FBXO41: variants seen among roughly 807,000 people sequenced by gnomAD.
FBXO41 encodes F-box only protein 41.
Under a neutral mutation model 81.6 loss-of-function variants are expected in FBXO41, and 33 were observed. The observed-to-expected ratio is 0.40, with a 90% CI of 0.31 to 0.54. The LOEUF (loss-of-function observed/expected upper bound fraction) is 0.54, where lower values mean the gene tolerates loss of function less well. Among genes scored for constraint, FBXO41 ranks in the 20% least tolerant of loss-of-function variants. The pLI is 0.39. For synonymous variants in FBXO41, 576 were observed against 552.7 expected (o/e 1.04, Z -0.59); for missense variants, 1,107 against 1,236.0 (o/e 0.90, Z 1.56).
rs916158386 is a variant in FBXO41, at chr2:73,257,892, T to G, written c.*1090A>C. On this transcript the variant is annotated 3_prime_UTR_variant, in exon 13 of 13. Coordinates refer to ENST00000520530, the MANE Select transcript of FBXO41 (RefSeq NM_001371389.2). This position sits in a 1 kb window ranked among gnomAD's most constrained non-coding sequence, Gnocchi z 4.6. ...GTGAGTCTATTGAGGATGCTCTTCC[T>G]CTTCCTTGGCCCCATGGGTCTGGCT... The G allele has an allele frequency of 2.6e-5, 4 of 152,226 alleles. No individual in the cohort carries two copies. Among genetic ancestry groups the G allele is most frequent in the African/African-American group, 9.7e-5 (4 of 41,438 alleles). 9.4% of individuals were successfully genotyped at this position (152,226 alleles called of 1,614,324 possible). A position where few individuals can be genotyped will look rare whatever the true frequency, so the allele number is the denominator to read the frequency against.
In FBXO41 at chr2:73,263,694, G is replaced by A; in HGVS notation, c.2059C>T (p.Gln687Ter). The change falls in exon 8 of 13, where the codon CAG becomes TAG. Residue 687 changes from glutamine to a stop codon, truncating the protein, a stop_gained. Coordinates refer to ENST00000520530, the MANE Select transcript of FBXO41 (RefSeq NM_001371389.2). LOFTEE classifies it high-confidence loss of function. ...WLASCYCRALQAVTYRSATDP... is the reference protein window; with the variant it reads ...WLASCYCRAL ...TTGACCCACCTGTACGTGACAGCCT[G>A]CAGGGCACGGCAGTAGCAGCTGGCC... 1 of 1,613,648 alleles carries A rather than the reference G, an allele frequency of 6.2e-7. No individual in the cohort carries two copies. Among genetic ancestry groups the A allele is most frequent in the Non-Finnish European group, 8.5e-7 (1 of 1,179,884 alleles).
chr2:73,271,328 G>T, intron 1 of FBXO41: 1 of 229,864 alleles, frequency 4.4e-6, no homozygotes, highest in Non-Finnish European at 8.7e-6. Flanking sequence ...TGGTCTTGGG[G>T]ATATGACATA....
In FBXO41 at chr2:73,266,589, A is replaced by T; in HGVS notation, c.999T>A (p.Leu333=). 3.1e-6 allele frequency: 5 copies of T among 1,611,476 alleles called. No individual in the cohort carries two copies. Among genetic ancestry groups the T allele is most frequent in the Non-Finnish European group, 4.2e-6 (5 of 1,179,166 alleles). The change falls in exon 3 of 13, where the codon CTT becomes CTA. Residue 333 remains leucine (L), a synonymous_variant. Coordinates refer to ENST00000520530, the MANE Select transcript of FBXO41 (RefSeq NM_001371389.2). This position sits in a 1 kb window ranked among gnomAD's most constrained non-coding sequence, Gnocchi z 5.3. ...GCCGCTCGGCACGGTCAGCCCGCTC[A>T]AGGAGCTCCTCAATGAACTGCTGCA... ...LRLQQFIEEL[L]ERADRAERQL...
intron 1 of FBXO41, chr2:73,271,623 TC>T (rs33963024): frequency 0.039 from 4,204 of 107,142 alleles, 347 homozygotes; most frequent in Admixed American, 0.055. Flanking sequence ...AATTCTGCAC[TC>T]CCCCCCCCCC....
Position 73,255,645 on chromosome 2 carries a change from C to T in FBXO41, c.*3337G>A, listed in dbSNP as rs1217337175. On this transcript the variant is annotated 3_prime_UTR_variant, in exon 13 of 13. Transcript: ENST00000520530. ...TGGGACTTTGGCACCAATAGTCACT[C>T]TGGGAAGGCCTCCTTCAACTTAGCG... 6.6e-6 allele frequency: 1 copy of T among 152,630 alleles called. No homozygotes were observed. The highest frequency in any genetic ancestry group is 2.4e-5 in the African/African-American group (1 of 41,436). 9.5% of individuals were successfully genotyped at this position (152,630 alleles called of 1,614,324 possible).
rs1472739316 is a variant in FBXO41, at chr2:73,269,275, G to A, written c.356C>T (p.Pro119Leu). ...HHHHAPLAHF[P>L]GDLVPASLPC... Reference sequence around the variant, plus strand: ...CAGGCTAGCGGGCACCAGGTCGCCGGGGAAGTGGGCGAGGGGAGCGTGGTG... The same window carrying A: ...CAGGCTAGCGGGCACCAGGTCGCCGAGGAAGTGGGCGAGGGGAGCGTGGTG... The change falls in exon 2 of 13, where the codon CCC (proline) becomes CTC (leucine). Residue 119 changes from proline (P) to leucine (L), a missense_variant. Coordinates refer to ENST00000520530, the MANE Select transcript of FBXO41 (RefSeq NM_001371389.2). The surrounding 1 kb of genome is among the most constrained non-coding windows in gnomAD (Gnocchi z 7.0). 7 of 1,531,336 alleles carry A rather than the reference G, an allele frequency of 4.6e-6. No individual in the cohort carries two copies. Among genetic ancestry groups the A allele is most frequent in the South Asian group, 1.2e-5 (1 of 82,810 alleles). The allele number at this position is 1,531,336 out of a possible 1,614,324, so 94.9% of individuals were successfully genotyped here.
intron 1 of FBXO41, among the ~76,000 whole-genome samples, chr2:73,279,547 G>C (rs967472159): frequency 2.9e-4 from 44 of 152,136 alleles, no homozygotes; most frequent in African/African-American, 1.1e-3. Flanking sequence ...GAATGTTAGG[G>C]AAGAGAGGAT....
intron 1 of FBXO41, among the ~76,000 whole-genome samples, chr2:73,282,545 G>GA (rs1688877225): frequency 6.6e-6 from 1 of 151,918 alleles, no homozygotes; most frequent in Non-Finnish European, 1.5e-5. Context: ...TCTACCAAAA[G>GA]AAAAAAAATT....
At position 73,266,716 on chromosome 2, in the gene FBXO41, C is replaced by T. The variant is rs1688294148; in HGVS notation, c.906-34G>A. ...AGAGCAGTCTCTTACCCCAGAGCCTCAGCCTGCCTGCCCACCCACCCTCTG... is the reference window on the plus strand; with the variant it reads ...AGAGCAGTCTCTTACCCCAGAGCCTTAGCCTGCCTGCCCACCCACCCTCTG... On this transcript the variant is annotated intron_variant, in intron 2 of 12. Transcript: ENST00000520530. The surrounding 1 kb of genome is among the most constrained non-coding windows in gnomAD (Gnocchi z 5.3). 1 of 1,505,170 alleles carries T rather than the reference C, an allele frequency of 6.6e-7. No homozygotes were observed. The highest frequency in any genetic ancestry group is 8.9e-7 in the Non-Finnish European group (1 of 1,127,314). 93.2% of individuals were successfully genotyped at this position (1,505,170 alleles called of 1,614,324 possible).
In FBXO41 at chr2:73,259,855, G is replaced by A. The variant is rs928602171; in HGVS notation, c.2449+534C>T. Among the ~76,000 whole-genome samples the A allele has an allele frequency of 6.6e-6, 1 of 152,148 alleles. No homozygotes were observed. The highest frequency in any genetic ancestry group is 2.4e-5 in the African/African-American group (1 of 41,428). ...AAGGGGGAGGAAGGTCTTGGAAAGAGGGTCAAGGCACCTTGGCGCAGTTGG... is the reference window on the plus strand; with the variant it reads ...AAGGGGGAGGAAGGTCTTGGAAAGAAGGTCAAGGCACCTTGGCGCAGTTGG... On this transcript the variant is annotated intron_variant, in intron 11 of 12. Transcript: ENST00000520530. The surrounding 1 kb of genome is among the most constrained non-coding windows in gnomAD (Gnocchi z 4.2).
chr2:73,263,295 G>T lies in FBXO41; in HGVS notation c.2089C>A (p.Pro697Thr). The change falls in exon 9 of 13, where the codon CCC (proline) becomes ACC (threonine). Residue 697 changes from proline (P) to threonine (T), a missense_variant. This residue lies in a region of FBXO41 where 336 missense variants were observed against 446.7 expected (regional missense o/e 0.75). Coordinates refer to ENST00000520530, the MANE Select transcript of FBXO41 (RefSeq NM_001371389.2). Reference sequence around the variant, plus strand: ...GCCCAAATGACCTCATGGCCCACGGGGTCTGTGGCACTCCTGTGAAAAGAC... The same window carrying T: ...GCCCAAATGACCTCATGGCCCACGGTGTCTGTGGCACTCCTGTGAAAAGAC... ...QAVTYRSATD[P>T]VGHEVIWALG... 1 of 1,536,322 alleles carries T rather than the reference G, an allele frequency of 6.5e-7. No homozygotes were observed. The highest frequency in any genetic ancestry group is 1.4e-5 in the African/African-American group (1 of 72,514).
intron 1 of FBXO41, chr2:73,271,011 T>C: frequency 2.0e-6 from 1 of 489,170 alleles, no homozygotes; most frequent in Non-Finnish European, 4.2e-6. Flanking sequence ...TTCCCCTGGG[T>C]TCTGCAACTT....
At position 73,266,473 on chromosome 2, in the gene FBXO41, C is replaced by G; in HGVS notation, c.1115G>C (p.Arg372Pro). The G allele has an allele frequency of 6.5e-7, 1 of 1,528,502 alleles. No individual in the cohort carries two copies. Among genetic ancestry groups the G allele is most frequent in the South Asian group, 1.2e-5 (1 of 82,640 alleles). The allele number at this position is 1,528,502 out of a possible 1,614,324, so 94.7% of individuals were successfully genotyped here. A position where few individuals can be genotyped will look rare whatever the true frequency, so the allele number is the denominator to read the frequency against. Residue 372 changes from arginine to proline, a missense_variant, in exon 3 of 13, where the codon CGG (arginine) becomes CCG (proline). Physicochemically the swap from Arg to Pro is moderately radical, Grantham distance 103 (BLOSUM62 -2). Transcript: ENST00000520530. The surrounding 1 kb of genome is among the most constrained non-coding windows in gnomAD (Gnocchi z 5.3). ...GGCACTCACCATTCTGCCTGGGCCC[C>G]GGGCATTGGGTCCAGCACCACCGCC... ...GGGGGAGPNA[R>P]GPGRMREHHV... is the part of the protein sequence containing the mutation.
intron 1 of FBXO41, among the ~76,000 whole-genome samples, chr2:73,276,352 A>G (rs186326440): frequency 2.6e-5 from 4 of 151,796 alleles, no homozygotes; most frequent in South Asian, 4.1e-4. Flanking sequence ...GGAGGTTGCA[A>G]TGAGCCATTC....
At chr2:73,264,594 G>A in intron 5 of FBXO41, 75 bp from the exon 6 acceptor site, 5 of 1,584,496 alleles carry the variant, frequency 3.2e-6, no homozygotes. Context: ...GGGAGCTGGG[G>A]CAGGGTAGGA....
In FBXO41 at chr2:73,269,144, C is replaced by A. The variant is rs1300202904; in HGVS notation, c.487G>T (p.Val163Leu). 13 of 1,521,936 alleles carry A rather than the reference C, an allele frequency of 8.5e-6. No individual in the cohort carries two copies. In the East Asian group the frequency reaches 3.1e-4, roughly 36 times the overall value. The allele number at this position is 1,521,936 out of a possible 1,614,324, so 94.3% of individuals were successfully genotyped here. A position where few individuals can be genotyped will look rare whatever the true frequency, so the allele number is the denominator to read the frequency against. ...PLGELFARKS[V>L]ASSACSTPPP... ...GGCGTCGAGCACGCCGAGGACGCCA[C>A]GGACTTGCGGGCGAACAGCTCCCCC... is the stretch of plus-strand genomic sequence containing the variant. Residue 163 changes from valine (V) to leucine (L), a missense_variant, in exon 2 of 13, where the codon GTG becomes TTG. Physicochemically the swap from Val to Leu is conservative, Grantham distance 32. Around this residue, in one of 2 missense-constraint regions of FBXO41, gnomAD observed 771 missense variants for 789.2 expected, o/e 0.98. Transcript: ENST00000520530. The surrounding 1 kb of genome is among the most constrained non-coding windows in gnomAD (Gnocchi z 7.0).
chr2:73,274,150 T>G (rs1024451155), intron 1 of FBXO41, among the ~76,000 whole-genome samples: 6 of 152,204 alleles, frequency 3.9e-5, no homozygotes, highest in Non-Finnish European at 8.8e-5. Context: ...GGCACCCCCA[T>G]CCACTACCAA....
At chr2:73,270,763 C>G (rs1011353102) in intron 1 of FBXO41, 2 of 532,326 alleles carry the variant, frequency 3.8e-6, no homozygotes, top group East Asian at 1.1e-4. Context: ...TGCTGCCCCT[C>G]CATCTCTGGC....
chr2:73,269,723 G>T lies in FBXO41; in HGVS notation c.-93C>A. On this transcript the variant is annotated 5_prime_UTR_variant, in exon 2 of 13. Coordinates refer to ENST00000520530, the MANE Select transcript of FBXO41 (RefSeq NM_001371389.2). The surrounding 1 kb of genome is among the most constrained non-coding windows in gnomAD (Gnocchi z 7.0). ...TGGGGGACCGCGGGCGAGGCCCCCT[G>T]CGGGGTCAGGAAGGCTCAGGGCGCC... 1 of 954,220 alleles carries T rather than the reference G, an allele frequency of 1.0e-6. No homozygotes were observed. Among genetic ancestry groups the T allele is most frequent in the Non-Finnish European group, 1.3e-6 (1 of 773,868 alleles). The allele number at this position is 954,220 out of a possible 1,614,324, so 59.1% of individuals were successfully genotyped here.
Sources: gnomAD v4.1 joint callset for allele counts (sites outside exome capture counted in the v4.1 genomes callset) on GRCh38, gnomAD v4.1.1 for gene constraint, gnomAD v4.1.1 regional missense constraint, Gnocchi (gnomAD v3.1) non-coding constraint, MANE v1.5 for transcripts, NCBI Gene and HGNC (gene_info 2026-07-23, HGNC 2026-07-21) for gene names.